The following VPS13C variants were observed in gnomAD, a reference collection of about 807,000 sequenced individuals.
The protein encoded by VPS13C is intermembrane lipid transfer protein VPS13C.
In VPS13C, 358 loss-of-function variants were observed where a neutral mutation model predicts 456.8. The observed-to-expected ratio is 0.78, with a 90% confidence interval of 0.72 to 0.86. The LOEUF is 0.86. Among genes scored for constraint, VPS13C ranks in the 40% least tolerant of loss-of-function variants. The pLI is 0.00. For missense variants in VPS13C, 4,818 were observed against 4,385.4 expected (o/e 1.10, Z -2.79); for synonymous variants, 1,578 against 1,486.7 (o/e 1.06, Z -1.41).
chr15:61,916,966 A>C (rs1189253241), intron 60 of VPS13C, among the ~76,000 whole-genome samples: 1 of 152,190 alleles, frequency 6.6e-6, no homozygotes, highest in East Asian at 1.9e-4. Context: ...AAGATACAGT[A>C]AAGAGGCAGG....
At chr15:62,036,369 G>A (rs948637686) in intron 3 of VPS13C, among the ~76,000 whole-genome samples, 2 of 151,962 alleles carry the variant, frequency 1.3e-5, no homozygotes, top group African/African-American at 4.8e-5. Flanking sequence ...ATAATGCAAT[G>A]TAAGACAGAA....
rs3784631 is a variant in VPS13C, at chr15:61,983,698, C to A, written c.1914+122G>T. 0.035 allele frequency: 38,940 copies of A among 1,116,156 alleles called. 1,411 individuals are homozygous for A. Among genetic ancestry groups the A allele is most frequent in the African/African-American group, 0.17 (10,324 of 62,480 alleles). The allele number at this position is 1,116,156 out of a possible 1,614,324, so 69.1% of individuals were successfully genotyped here. On this transcript the variant is annotated intron_variant, in intron 20 of 84. Coordinates refer to ENST00000644861, the MANE Select transcript of VPS13C (RefSeq NM_020821.3). ...TATACTGCTTTTGAAACAAGAAAAA[C>A]CTATTAGGAAACTTACTTATTAAGT...
Position 61,922,730 on chromosome 15 carries a change from T to C in VPS13C, c.6642A>G (p.Thr2214=), listed in dbSNP as rs766062047. ...TTTTTGGAGACAATGCAGCCATGAT[T>C]GTCAACACAGTATTAAGAATTATGG... The part of the protein sequence containing the change: ...ISPIILNTVL[T]IMAALSPKTK... The change falls in exon 54 of 85, where the codon ACA becomes ACG. Residue 2214 remains threonine, a synonymous_variant. Transcript: ENST00000644861. 14 of 1,611,734 alleles carry C rather than the reference T, an allele frequency of 8.7e-6. No homozygotes were observed. Among genetic ancestry groups the C allele is most frequent in the Admixed American group, 8.4e-5 (5 of 59,670 alleles).
Position 61,961,765 on chromosome 15 carries a change from A to G in VPS13C, c.3732T>C (p.Asp1244=). ...GGATGACTATAACCGGTGCTTTCAA[A>G]TCAATATTGATGGAAACACGAAAAC... The part of the protein sequence containing the change: ...QRSFRVSINI[D]LKAPVIVIPQ... Residue 1244 remains aspartate (D), a synonymous_variant, in exon 35 of 85, where the codon GAT becomes GAC. Transcript: ENST00000644861. 6.2e-7 allele frequency: 1 copy of G among 1,613,978 alleles called. No homozygotes were observed. The highest frequency in any genetic ancestry group is 8.5e-7 in the Non-Finnish European group (1 of 1,179,936).
chr15:61,937,695 C>T (rs1478368861), intron 47 of VPS13C, among the ~76,000 whole-genome samples: 1 of 152,142 alleles, frequency 6.6e-6, no homozygotes, highest in Non-Finnish European at 1.5e-5. Context: ...AGGATGGTCT[C>T]GATCTCCTGA....
intron 77 of VPS13C, 22 bp downstream of exon 77, chr15:61,874,854 T>C (rs1267141999): frequency 2.6e-6 from 4 of 1,555,894 alleles, no homozygotes; most frequent in Non-Finnish European, 3.5e-6. Flanking sequence ...TATACACATA[T>C]ACACAAATAT....
At chr15:62,009,155 A>G (rs1482454076) in intron 13 of VPS13C, among the ~76,000 whole-genome samples, 2 of 152,180 alleles carry the variant, frequency 1.3e-5, no homozygotes, top group Non-Finnish European at 1.5e-5. Flanking sequence ...CTAAGACTAT[A>G]TATTTTTCCT....
At chr15:61,946,238 A>G in intron 44 of VPS13C, 69 bp downstream of exon 44, 1 of 1,211,116 alleles carries the variant, frequency 8.3e-7, no homozygotes, top group Non-Finnish European at 1.2e-6. Context: ...ATACTGTGCA[A>G]ATAAATAATA....
Position 61,875,760 on chromosome 15 carries a change from A to T in VPS13C, c.10310T>A (p.Val3437Asp). The change falls in exon 76 of 85, where the codon GTT becomes GAT. Residue 3437 changes from valine to aspartate, a missense_variant. Coordinates refer to ENST00000644861, the MANE Select transcript of VPS13C (RefSeq NM_020821.3). ...FGLIRGLSEG[V>D]EALFYEPFQG... ...GAAGGGTTCATAGAATAAAGCTTCA[A>T]CTCCTTCAGACAGACCTCTAATTAA... 6.2e-7 allele frequency: 1 copy of T among 1,610,982 alleles called. No individual in the cohort carries two copies. The highest frequency in any genetic ancestry group is 8.5e-7 in the Non-Finnish European group (1 of 1,178,572).
At chr15:61,996,573 G>C (rs2046390158) in intron 16 of VPS13C, among the ~76,000 whole-genome samples, 1 of 152,040 alleles carries the variant, frequency 6.6e-6, no homozygotes. Context: ...GGAACTATCA[G>C]AGAGGCACTG....
Position 61,967,379 on chromosome 15 carries a change from C to A in VPS13C, c.2980G>T (p.Glu994Ter). The change falls in exon 29 of 85, where the codon GAG (glutamate) becomes TAG (stop). Residue 994 changes from glutamate (E) to a stop codon, truncating the protein, a stop_gained. Coordinates refer to ENST00000644861, the MANE Select transcript of VPS13C (RefSeq NM_020821.3). LOFTEE classifies it high-confidence loss of function. ...DKPGLDLLKV[E>*]YIKADKNGPS... ...TCTATAGCCCTTACCTTAATATACT[C>A]CACTTTCAAAAGATCTAATCCAGGT... is the stretch of plus-strand genomic sequence containing the variant. 6.2e-7 allele frequency: 1 copy of A among 1,606,364 alleles called. No individual in the cohort carries two copies. The highest frequency in any genetic ancestry group is 8.5e-7 in the Non-Finnish European group (1 of 1,176,016).
intron 79 of VPS13C, among the ~76,000 whole-genome samples, chr15:61,869,935 G>A (rs1225829418): frequency 1.3e-5 from 2 of 152,088 alleles, no homozygotes; most frequent in Non-Finnish European, 2.9e-5. Flanking sequence ...TACTGATCTA[G>A]GAGTCTCATC....
intron 16 of VPS13C, among the ~76,000 whole-genome samples, chr15:61,993,339 T>C (rs1208856428): frequency 1.3e-5 from 2 of 152,000 alleles, no homozygotes; most frequent in Non-Finnish European, 1.5e-5. Flanking sequence ...TTATTCTTTA[T>C]AAAAATAGAT....
At chr15:61,909,818 T>A (rs372942474) in intron 64 of VPS13C, among the ~76,000 whole-genome samples, 3 of 152,272 alleles carry the variant, frequency 2.0e-5, no homozygotes, top group Middle Eastern at 3.4e-3. Flanking sequence ...TGGTTCCAAG[T>A]CTTTGCTATT....
In VPS13C at chr15:62,035,049, T is replaced by G. The variant is rs903266148; in HGVS notation, c.191A>C (p.Lys64Thr). 1 of 1,601,008 alleles carries G rather than the reference T, an allele frequency of 6.2e-7. No individual in the cohort carries two copies. The highest frequency in any genetic ancestry group is 8.5e-7 in the Non-Finnish European group (1 of 1,171,362). Residue 64 changes from lysine to threonine, a missense_variant, in exon 4 of 85, where the codon AAA becomes ACA. Transcript: ENST00000644861. ...CTTCCAAGGAATCTTCAAAGTTAATTTATCTAAGGAAACATAATTTCAACC... is the reference window on the plus strand; with the variant it reads ...CTTCCAAGGAATCTTCAAAGTTAATGTATCTAAGGAAACATAATTTCAACC... The part of the protein sequence containing the change: ...PFKVKAGQID[K>T]LTLKIPWKNL...
intron 30 of VPS13C, 118 bp downstream of exon 30, chr15:61,965,960 TAACTC>T (rs1222077652): frequency 3.4e-6 from 2 of 587,460 alleles, no homozygotes; most frequent in African/African-American, 3.8e-5. Context: ...AGGTTATTTA[TAACTC>T]TTATTGGTCC....
At position 61,881,840 on chromosome 15, in the gene VPS13C, G is replaced by C. The variant is rs201741119; in HGVS notation, c.9625-12C>G. On this transcript the variant is annotated splice_polypyrimidine_tract_variant and intron_variant, in intron 69 of 84. Transcript: ENST00000644861. The stretch of plus-strand genomic sequence containing the variant: ...AACTGATTATCAACCTGAAAGAAAA[G>C]AAAACGAACTTATCAAGATTTCAAA... 1.9e-6 allele frequency: 3 copies of C among 1,573,960 alleles called. No individual in the cohort carries two copies. The highest frequency in any genetic ancestry group is 1.4e-5 in the African/African-American group (1 of 72,176).
intron 1 of VPS13C, among the ~76,000 whole-genome samples, chr15:62,050,127 T>A (rs943648461): frequency 3.3e-5 from 5 of 152,182 alleles, no homozygotes; most frequent in Non-Finnish European, 5.9e-5. Flanking sequence ...TGGCCAGAAC[T>A]TCCAACACTC....
chr15:61,860,716 A>G (rs2140842501), intron 82 of VPS13C, among the ~76,000 whole-genome samples: 1 of 152,284 alleles, frequency 6.6e-6, no homozygotes, highest in South Asian at 2.1e-4. Flanking sequence ...AAATGTAATA[A>G]TGCATTTTTT....
Sources: allele counts gnomAD v4.1 joint callset (sites outside exome capture counted in the v4.1 genomes callset), GRCh38; gene constraint gnomAD v4.1.1; transcripts MANE v1.5; gene names NCBI Gene and HGNC (gene_info 2026-07-23, HGNC 2026-07-21).